The following ACOT7 variants were observed in gnomAD, a reference collection of about 807,000 sequenced individuals.
The protein encoded by ACOT7 is acyl-CoA thioesterase 7.
Under a neutral mutation model 40.2 loss-of-function variants are expected in ACOT7, and 12 were observed. The observed-to-expected ratio is 0.30, with a 90% CI of 0.19 to 0.48. ACOT7 has a LOEUF of 0.48. Among genes scored for constraint, ACOT7 ranks in the 20% least tolerant of loss-of-function variants. ACOT7 has a pLI of 0.99. For synonymous variants in ACOT7, 228 were observed against 219.5 expected (o/e 1.04, Z -0.34); for missense variants, 395 against 530.8 (o/e 0.74, Z 2.51).
intron 1 of ACOT7, among the ~76,000 whole-genome samples, chr1:6,364,168 A>G (rs1641950827): frequency 6.6e-6 from 1 of 151,786 alleles, no homozygotes; most frequent in African/African-American, 2.4e-5. Context: ...CCTGGGCAAC[A>G]AGACGAGACT....
intron 7 of ACOT7, among the ~76,000 whole-genome samples, chr1:6,292,959 G>A (rs565141065): frequency 1.4e-5 from 2 of 146,068 alleles, no homozygotes; most frequent in South Asian, 2.1e-4. Flanking sequence ...GCGCGATCTC[G>A]GCTCACTGCA....
intron 1 of ACOT7, among the ~76,000 whole-genome samples, chr1:6,387,120 G>A (rs575748057): frequency 7.7e-4 from 117 of 152,184 alleles, no homozygotes; most frequent in African/African-American, 2.7e-3. Flanking sequence ...CCATCGACAC[G>A]AAATTCTAGA....
intron 4 of ACOT7, among the ~76,000 whole-genome samples, chr1:6,328,056 G>A (rs548922896): frequency 4.6e-5 from 7 of 152,264 alleles, no homozygotes; most frequent in African/African-American, 1.7e-4. Flanking sequence ...ACAGGCGTGA[G>A]CCACCGTGCC....
Position 6,288,536 on chromosome 1 carries a change from G to A in ACOT7, c.829+6328C>T, listed in dbSNP as rs576970351. ...GTGGCATGTCACGGGGAGCCACGGA[G>A]GCTGTGAGCAGAGGAATAGCAGGTC... On this transcript the variant is annotated intron_variant, in intron 7 of 8. Coordinates refer to ENST00000361521, the MANE Select transcript of ACOT7 (RefSeq NM_007274.4). This position sits in a 1 kb window ranked among gnomAD's most constrained non-coding sequence, Gnocchi z 4.3. Among the ~76,000 whole-genome samples the A allele has an allele frequency of 2.6e-5, 4 of 152,332 alleles. No homozygotes were observed. In the South Asian group the frequency reaches 8.3e-4, roughly 32 times the overall value.
intron 1 of ACOT7, among the ~76,000 whole-genome samples, chr1:6,367,337 GGC>G (rs1459768856): frequency 6.6e-6 from 1 of 152,112 alleles, no homozygotes; most frequent in African/African-American, 2.4e-5. Flanking sequence ...TGTGTCTTGT[GGC>G]ACCTTTGCCT....
chr1:6,323,265 T>C (rs1326815233), intron 5 of ACOT7, among the ~76,000 whole-genome samples: 2 of 152,226 alleles, frequency 1.3e-5, no homozygotes, highest in South Asian at 2.1e-4. Context: ...AGGCCAGACC[T>C]AGAAAGGACC....
At chr1:6,369,732 C>T (rs570589204) in intron 1 of ACOT7, among the ~76,000 whole-genome samples, 1 of 152,190 alleles carries the variant, frequency 6.6e-6, no homozygotes, top group South Asian at 2.1e-4. Flanking sequence ...GCGCCCACCA[C>T]CACGCCCGGC....
At chr1:6,388,640 G>A in intron 1 of ACOT7, among the ~76,000 whole-genome samples, 1 of 149,606 alleles carries the variant, frequency 6.7e-6, no homozygotes, top group East Asian at 2.0e-4. Context: ...TCGGGAAGCT[G>A]AGGAGAGGAG....
intron 6 of ACOT7, 65 bp downstream of exon 6, chr1:6,318,427 G>A: frequency 6.5e-7 from 1 of 1,531,364 alleles, no homozygotes. Flanking sequence ...CAGCAGCACG[G>A]CTGCCAGAGA....
At chr1:6,348,476 C>A (rs1331704706) in intron 2 of ACOT7, among the ~76,000 whole-genome samples, 1 of 152,144 alleles carries the variant, frequency 6.6e-6, no homozygotes, top group African/African-American at 2.4e-5. Context: ...GAAATCCTAA[C>A]CCCCAAGGGA....
chr1:6,267,089 G>T (rs933376411), intron 8 of ACOT7, among the ~76,000 whole-genome samples: 2 of 152,184 alleles, frequency 1.3e-5, no homozygotes, highest in Admixed American at 6.5e-5. Context: ...AGCTTGGAAA[G>T]AAAAAGAATC....
chr1:6,353,372 C>T (rs1299334537), intron 1 of ACOT7, among the ~76,000 whole-genome samples: 1 of 151,990 alleles, frequency 6.6e-6, no homozygotes, highest in Admixed American at 6.6e-5. Flanking sequence ...TGGCTCACAC[C>T]TGTAATCCCA....
At chr1:6,327,485 C>T (rs963209040) in intron 4 of ACOT7, 72 bp from the exon 5 acceptor site, 8 of 1,412,904 alleles carry the variant, frequency 5.7e-6, no homozygotes, top group Non-Finnish European at 6.9e-6. Context: ...GGCCATGATC[C>T]CAGGCCCTTA....
chr1:6,351,057 G>C (rs1300319193), intron 1 of ACOT7, among the ~76,000 whole-genome samples: 1 of 152,162 alleles, frequency 6.6e-6, no homozygotes, highest in East Asian at 1.9e-4. Flanking sequence ...TCCCTTTTTG[G>C]TAAGTATTTA....
intron 6 of ACOT7, among the ~76,000 whole-genome samples, chr1:6,298,458 T>C (rs1639874726): frequency 6.6e-6 from 1 of 152,088 alleles, no homozygotes; most frequent in African/African-American, 2.4e-5. Flanking sequence ...TCAATCAGCA[T>C]CCCCATTTTC....
chr1:6,335,152 GA>G (rs1641063839), intron 3 of ACOT7, among the ~76,000 whole-genome samples: 1 of 151,990 alleles, frequency 6.6e-6, no homozygotes. Flanking sequence ...CCAACATGGA[GA>G]AACCCCGTCT....
intron 1 of ACOT7, among the ~76,000 whole-genome samples, chr1:6,378,588 G>T (rs996268960): frequency 6.6e-6 from 1 of 151,944 alleles, no homozygotes. Flanking sequence ...TGAACCTCCA[G>T]CCCTGAGGCC....
rs1394951939 is a variant in ACOT7 at position 6,330,771 on chromosome 1, G to A, written c.510+2706C>T. Reference sequence around the variant, plus strand: ...GGCCAAAAACCCAACAGCTCTTGGCGCATCGATCCTAAGCGACAAGGCAGC... The same window carrying A: ...GGCCAAAAACCCAACAGCTCTTGGCACATCGATCCTAAGCGACAAGGCAGC... On this transcript the variant is annotated intron_variant, in intron 4 of 8. Transcript: ENST00000361521. This position sits in a 1 kb window ranked among gnomAD's most constrained non-coding sequence, Gnocchi z 4.6. Among the ~76,000 whole-genome samples, 5 of 152,244 alleles carry A rather than the reference G, an allele frequency of 3.3e-5. No individual in the cohort carries two copies. The highest frequency in any genetic ancestry group is 2.1e-4 in the South Asian group (1 of 4,824).
chr1:6,375,920 A>G (rs994846313), intron 1 of ACOT7, among the ~76,000 whole-genome samples: 4 of 149,106 alleles, frequency 2.7e-5, no homozygotes, highest in Non-Finnish European at 4.4e-5. Context: ...CATGGGCAAC[A>G]GAGCGAGACT....
Sources: allele counts gnomAD v4.1 joint callset (sites outside exome capture counted in the v4.1 genomes callset), GRCh38; gene constraint gnomAD v4.1.1; non-coding constraint Gnocchi (gnomAD v3.1); transcripts MANE v1.5; gene names NCBI Gene and HGNC (gene_info 2026-07-23, HGNC 2026-07-21).